The following UGT1A8 variants were observed in gnomAD, a reference collection of about 807,000 sequenced individuals.
UGT1A8 encodes the protein UDP-glucuronosyltransferase 1A8.
In UGT1A8, 39 loss-of-function variants were observed where a neutral mutation model predicts 45.3. The ratio of observed to expected loss-of-function variants is 0.86; its 90% CI spans 0.67 to 1.12. The LOEUF is 1.12. Among genes scored for constraint, UGT1A8 ranks in the 50% most tolerant of loss-of-function variants. The probability of loss-of-function intolerance (pLI) is 0.00; values close to 1 mark genes in which losing one functional copy is unlikely to be tolerated. For synonymous variants in UGT1A8, 275 were observed against 249.2 expected (o/e 1.10, Z -0.97); for missense variants, 719 against 664.9 (o/e 1.08, Z -0.90).
intron 1 of UGT1A8, among the ~76,000 whole-genome samples, chr2:233,631,768 T>G (rs1383644754): frequency 6.6e-6 from 1 of 152,186 alleles, no homozygotes. Context: ...AAAATTTTTC[T>G]CCCATTCTGT....
At chr2:233,750,201 G>A (rs967986418) in intron 1 of UGT1A8, among the ~76,000 whole-genome samples, 17 of 151,984 alleles carry the variant, frequency 1.1e-4, no homozygotes, top group African/African-American at 3.6e-4. Flanking sequence ...ATGAAGTCCA[G>A]GCTGAGTCTC....
chr2:233,742,224 G>A (rs191023728), intron 1 of UGT1A8, among the ~76,000 whole-genome samples: 4 of 152,020 alleles, frequency 2.6e-5, no homozygotes, highest in Non-Finnish European at 5.9e-5. Flanking sequence ...AGGGCTGAGA[G>A]CCCCAAACAG....
intron 1 of UGT1A8, among the ~76,000 whole-genome samples, chr2:233,699,129 CAG>C (rs1340305357): frequency 6.6e-6 from 1 of 152,214 alleles, no homozygotes; most frequent in Non-Finnish European, 1.5e-5. Context: ...CTACTTATGT[CAG>C]ATTCTCATGG....
chr2:233,697,833 TAAG>T (rs2125573515), intron 1 of UGT1A8, among the ~76,000 whole-genome samples: 1 of 152,318 alleles, frequency 6.6e-6, no homozygotes, highest in African/African-American at 2.4e-5. Flanking sequence ...AAAATCTAAT[TAAG>T]AAGTTAGTAA....
chr2:233,743,056 A>C (rs955838724), intron 1 of UGT1A8: 1 of 325,656 alleles, frequency 3.1e-6, no homozygotes, highest in Non-Finnish European at 6.0e-6. Flanking sequence ...AGTCCCAACG[A>C]TAAGAACAGG....
At chr2:233,718,468 A>G (rs934108857) in intron 1 of UGT1A8, among the ~76,000 whole-genome samples, 5 of 152,236 alleles carry the variant, frequency 3.3e-5, no homozygotes, top group African/African-American at 1.2e-4. Flanking sequence ...CCTCAGCTGC[A>G]GCCTGATAAA....
Position 233,769,801 on chromosome 2 carries a change from G to A in UGT1A8, c.1295+1362G>A, listed in dbSNP as rs1699941339. 2 of 1,172,742 alleles carry A rather than the reference G, an allele frequency of 1.7e-6. No individual in the cohort carries two copies. The highest frequency in any genetic ancestry group is 1.6e-5 in the African/African-American group (1 of 64,090). 72.6% of individuals were successfully genotyped at this position (1,172,742 alleles called of 1,614,324 possible). ...GCCCAGAAGTTGGAGGCTGCTATGA[G>A]CCGTGATCATGCCACTGCACTCCAG... On this transcript the variant is annotated intron_variant, in intron 4 of 4. Coordinates refer to ENST00000373450, the MANE Select transcript of UGT1A8 (RefSeq NM_019076.5). This position sits in a 1 kb window ranked among gnomAD's most constrained non-coding sequence, Gnocchi z 4.4.
chr2:233,681,590 T>C (rs1338443918), intron 1 of UGT1A8, among the ~76,000 whole-genome samples: 1 of 151,836 alleles, frequency 6.6e-6, no homozygotes, highest in East Asian at 1.9e-4. Context: ...TCCAAAATTA[T>C]TAGCTTCGTT....
intron 1 of UGT1A8, among the ~76,000 whole-genome samples, chr2:233,736,576 T>G: frequency 6.6e-6 from 1 of 152,372 alleles, no homozygotes; most frequent in Admixed American, 6.5e-5. Flanking sequence ...TGTGATCCTT[T>G]GGAGGAGATG....
intron 1 of UGT1A8, chr2:233,719,244 A>C (rs375836466): frequency 1.5e-5 from 24 of 1,614,126 alleles, no homozygotes; most frequent in African/African-American, 6.7e-5. Context: ...CAGGCACCTG[A>C]ATGCTACTTC....
chr2:233,750,334 A>C (rs1004492838), intron 1 of UGT1A8, among the ~76,000 whole-genome samples: 1 of 151,972 alleles, frequency 6.6e-6, no homozygotes, highest in Non-Finnish European at 1.5e-5. Context: ...CTTCAGAGAG[A>C]TGATCTGAAA....
intron 1 of UGT1A8, among the ~76,000 whole-genome samples, chr2:233,640,658 A>T (rs1479036062): frequency 6.6e-6 from 1 of 152,130 alleles, no homozygotes; most frequent in East Asian, 1.9e-4. Flanking sequence ...TTTAGGCTGC[A>T]AATGCTGTTC....
intron 1 of UGT1A8, among the ~76,000 whole-genome samples, chr2:233,628,446 A>T (rs559864615): frequency 6.6e-6 from 1 of 152,144 alleles, no homozygotes; most frequent in Non-Finnish European, 1.5e-5. Context: ...TATAGAAAGA[A>T]GATTAGTTTT....
At chr2:233,674,309 A>G (rs983247103) in intron 1 of UGT1A8, among the ~76,000 whole-genome samples, 2 of 152,182 alleles carry the variant, frequency 1.3e-5, no homozygotes, top group African/African-American at 4.8e-5. Context: ...TCGGATCTTC[A>G]CAAGACTAGG....
chr2:233,627,418 G>T (rs1028718169), intron 1 of UGT1A8, among the ~76,000 whole-genome samples: 2 of 151,854 alleles, frequency 1.3e-5, no homozygotes, highest in Non-Finnish European at 2.9e-5. Context: ...CCTCTCTTTT[G>T]CTTTAAGTTG....
intron 1 of UGT1A8, among the ~76,000 whole-genome samples, chr2:233,727,206 C>A (rs1441651485): frequency 6.6e-6 from 1 of 152,164 alleles, no homozygotes; most frequent in Non-Finnish European, 1.5e-5. Flanking sequence ...CTCACTGACA[C>A]CCATGGCTTC....
chr2:233,710,755 G>T (rs938686167), intron 1 of UGT1A8, among the ~76,000 whole-genome samples: 7 of 152,162 alleles, frequency 4.6e-5, no homozygotes, highest in African/African-American at 1.7e-4. Context: ...AAAGTTGCAA[G>T]TTTTGATTAA....
intron 1 of UGT1A8, chr2:233,741,833 G>A (rs1278091039): frequency 6.6e-6 from 1 of 151,848 alleles, no homozygotes; most frequent in Non-Finnish European, 1.5e-5. Flanking sequence ...ATCCAGTTCA[G>A]TTGCCTTTTG....
chr2:233,671,893 A>G, intron 1 of UGT1A8: 1 of 1,566,360 alleles, frequency 6.4e-7, no homozygotes. Context: ...GTATCATAGG[A>G]GCTTAGATTC....
Sources: allele counts gnomAD v4.1 joint callset (sites outside exome capture counted in the v4.1 genomes callset), GRCh38; gene constraint gnomAD v4.1.1; non-coding constraint Gnocchi (gnomAD v3.1); transcripts MANE v1.5; gene names NCBI Gene and HGNC (gene_info 2026-07-23, HGNC 2026-07-21).